TRPM8: variants seen among roughly 807,000 people sequenced by gnomAD.
TRPM8 encodes TRPM8 cationic channel.
Under a neutral mutation model 133.7 loss-of-function variants are expected in TRPM8, and 110 were observed. That is an observed-to-expected ratio of 0.82 (90% CI 0.70 to 0.96). The LOEUF (loss-of-function observed/expected upper bound fraction) is 0.96, where lower values mean the gene tolerates loss of function less well. Ranked by LOEUF, TRPM8 falls within the 40% of genes least tolerant of loss-of-function variation. The pLI is 0.00. For synonymous variants in TRPM8, 535 were observed against 532.3 expected (o/e 1.01, Z -0.07); for missense variants, 1,291 against 1,379.5 (o/e 0.94, Z 1.02).
chr2:233,921,355 C>A (rs1032705351), intron 1 of TRPM8, among the ~76,000 whole-genome samples: 3 of 152,194 alleles, frequency 2.0e-5, no homozygotes, highest in African/African-American at 7.2e-5. Context: ...TGTAGGAGTT[C>A]TTTTCACCCT....
rs868187137 is a variant in TRPM8 at position 233,970,530 on chromosome 2, T to A, written c.2355+104T>A. The A allele has an allele frequency of 4.6e-5, 52 of 1,119,104 alleles. No homozygotes were observed. The African/African-American group carries it at 6.5e-4, about 14-fold the overall frequency. 69.3% of individuals were successfully genotyped at this position (1,119,104 alleles called of 1,614,324 possible). A position where few individuals can be genotyped will look rare whatever the true frequency, so the allele number is the denominator to read the frequency against. On this transcript the variant is annotated intron_variant, in intron 17 of 25. Coordinates refer to ENST00000324695, the MANE Select transcript of TRPM8 (RefSeq NM_024080.5). ...TGCTTCTGAAGTTCAAAAGTCACTA[T>A]TTTCCCAAAATAAATGTTCTCTTTG... is the stretch of plus-strand genomic sequence containing the variant.
rs569574587 is a variant in TRPM8 at position 233,996,838 on chromosome 2, T to G, written c.3130+322T>G. Reference sequence around the variant, plus strand: ...TGTCCAATCATGACTTTGTTTTTGCTTTTCATTGTTCCCGTGAAATTTATT... The same window carrying G: ...TGTCCAATCATGACTTTGTTTTTGCGTTTCATTGTTCCCGTGAAATTTATT... On this transcript the variant is annotated intron_variant, in intron 22 of 25. Coordinates refer to ENST00000324695, the MANE Select transcript of TRPM8 (RefSeq NM_024080.5). Among the ~76,000 whole-genome samples the G allele has an allele frequency of 1.1e-3, 161 of 152,322 alleles. 2 individuals carry two copies. The highest frequency in any genetic ancestry group is 3.8e-3 in the African/African-American group (157 of 41,566).
At chr2:233,958,664 G>T (rs1691353151) in intron 11 of TRPM8, among the ~76,000 whole-genome samples, 1 of 152,216 alleles carries the variant, frequency 6.6e-6, no homozygotes, top group Non-Finnish European at 1.5e-5. Context: ...GGACAGAGGA[G>T]AAATCATAGC....
At chr2:233,966,445 T>C (rs1030572935) in intron 14 of TRPM8, among the ~76,000 whole-genome samples, 165 bp from the exon 15 acceptor site, 1 of 152,222 alleles carries the variant, frequency 6.6e-6, no homozygotes, top group Non-Finnish European at 1.5e-5. Context: ...AATTCTGCTA[T>C]TCAGTAACAA....
chr2:233,980,577 A>G (rs915319434), intron 18 of TRPM8, among the ~76,000 whole-genome samples: 2 of 152,150 alleles, frequency 1.3e-5, no homozygotes, highest in African/African-American at 4.8e-5. Context: ...CATGTTGTCC[A>G]GGCTGGTCTC....
chr2:233,974,426 G>A (rs537524458), intron 17 of TRPM8, among the ~76,000 whole-genome samples: 3 of 152,082 alleles, frequency 2.0e-5, no homozygotes, highest in Non-Finnish European at 4.4e-5. Context: ...TAGAGACGGG[G>A]TTTCACCATG....
At chr2:233,920,841 T>C (rs1691391068) in intron 1 of TRPM8, among the ~76,000 whole-genome samples, 1 of 151,564 alleles carries the variant, frequency 6.6e-6, no homozygotes, top group African/African-American at 2.4e-5. Context: ...GCAAAGGCTT[T>C]ATCAGATTTC....
intron 24 of TRPM8, among the ~76,000 whole-genome samples, chr2:234,010,158 C>T (rs1441149317): frequency 1.3e-5 from 2 of 151,918 alleles, no homozygotes; most frequent in African/African-American, 2.4e-5. Flanking sequence ...TTAGCCCCAG[C>T]GACCACCGTG....
intron 22 of TRPM8, among the ~76,000 whole-genome samples, chr2:234,002,033 G>A (rs1194086195): frequency 6.6e-6 from 1 of 152,156 alleles, no homozygotes; most frequent in Non-Finnish European, 1.5e-5. Flanking sequence ...ATTAAAAAGT[G>A]TGGGAAACAC....
At chr2:233,970,588 C>A in intron 17 of TRPM8, 162 bp downstream of exon 17, 1 of 660,494 alleles carries the variant, frequency 1.5e-6, no homozygotes. Context: ...GGTGCATTTT[C>A]ATACCCTTAG....
intron 24 of TRPM8, among the ~76,000 whole-genome samples, chr2:234,009,946 T>C (rs975854870): frequency 2.0e-5 from 3 of 152,314 alleles, no homozygotes; most frequent in Non-Finnish European, 4.4e-5. Context: ...GTATTACTTC[T>C]ACATATTTAC....
At chr2:234,002,686 G>A (rs921359365) in intron 22 of TRPM8, among the ~76,000 whole-genome samples, 5 of 152,148 alleles carry the variant, frequency 3.3e-5, no homozygotes, top group Admixed American at 6.5e-5. Flanking sequence ...AAGAAAAGTC[G>A]CTGTTAGATA....
chr2:233,954,595 G>A (rs1329384784), intron 10 of TRPM8, among the ~76,000 whole-genome samples: 1 of 152,216 alleles, frequency 6.6e-6, no homozygotes, highest in Non-Finnish European at 1.5e-5. Flanking sequence ...ATTAGCTAGA[G>A]TAGAGCCAGG....
chr2:233,933,990 A>C (rs1406664217), intron 3 of TRPM8: 2 of 167,148 alleles, frequency 1.2e-5, no homozygotes, highest in African/African-American at 2.4e-5. Context: ...TTTTGGATCC[A>C]GTCTCTAGCT....
intron 11 of TRPM8, chr2:233,955,527 A>G (rs1311485668): frequency 4.0e-6 from 1 of 250,026 alleles, no homozygotes; most frequent in Non-Finnish European, 7.7e-6. Flanking sequence ...GTGATTCTCC[A>G]TCTGGGTGTA....
At chr2:233,994,699 T>G (rs994777879) in intron 21 of TRPM8, among the ~76,000 whole-genome samples, 2 of 152,216 alleles carry the variant, frequency 1.3e-5, no homozygotes, top group Non-Finnish European at 2.9e-5. Flanking sequence ...CATTTTTTTT[T>G]GCTTAAGATA....
intron 1 of TRPM8, among the ~76,000 whole-genome samples, chr2:233,920,815 T>C (rs902813749): frequency 4.6e-4 from 70 of 152,084 alleles, no homozygotes; most frequent in African/African-American, 1.6e-3. Flanking sequence ...TACCAGAGAA[T>C]TGGCATTGGC....
intron 22 of TRPM8, among the ~76,000 whole-genome samples, chr2:233,999,508 C>T (rs1004074119): frequency 2.0e-5 from 3 of 151,692 alleles, no homozygotes; most frequent in South Asian, 2.2e-4. Flanking sequence ...TGGAAGAATC[C>T]GTGGCCCTGT....
chr2:233,984,617 G>A (rs763677799), intron 20 of TRPM8, among the ~76,000 whole-genome samples: 4 of 152,034 alleles, frequency 2.6e-5, no homozygotes, highest in South Asian at 2.1e-4. Context: ...CGCCCCGTGA[G>A]CCATCCTCGT....
Sources: gnomAD v4.1 joint callset for allele counts (sites outside exome capture counted in the v4.1 genomes callset) on GRCh38, gnomAD v4.1.1 for gene constraint, MANE v1.5 for transcripts, NCBI Gene and HGNC (gene_info 2026-07-23, HGNC 2026-07-21) for gene names.